Variants in HFE observed in about 807,000 individuals in gnomAD.
HFE encodes the protein homeostatic iron regulator, also known as hereditary hemochromatosis protein.
In HFE, 36 loss-of-function variants were observed where a neutral mutation model predicts 40.9. The ratio of observed to expected loss-of-function variants is 0.88; its 90% CI spans 0.67 to 1.16. The LOEUF (loss-of-function observed/expected upper bound fraction) is 1.16, where lower values mean the gene tolerates loss of function less well. Among genes scored for constraint, HFE ranks in the 50% most tolerant of loss-of-function variants. The pLI is 0.00. For synonymous variants in HFE, 157 were observed against 165.4 expected (o/e 0.95, Z 0.39); for missense variants, 376 against 432.0 (o/e 0.87, Z 1.15).
chr6:26,088,012 G>C (rs1762409694), intron 1 of HFE, among the ~76,000 whole-genome samples: 1 of 152,230 alleles, frequency 6.6e-6, no homozygotes, highest in Non-Finnish European at 1.5e-5. Flanking sequence ...GCGTTGGGCG[G>C]TGGGGGCGCG....
intron 1 of HFE, among the ~76,000 whole-genome samples, chr6:26,089,108 T>TGGGGG (rs60292295): frequency 3.5e-5 from 2 of 56,354 alleles, no homozygotes; most frequent in African/African-American, 1.6e-4. Context: ...TGTGTGTGTG[T>TGGGGG]GGGGGGGGGG....
Position 26,092,745 on chromosome 6 carries a change from G to T in HFE, c.677G>T (p.Arg226Leu). 6.2e-7 allele frequency: 1 copy of T among 1,614,158 alleles called. No homozygotes were observed. Among genetic ancestry groups the T allele is most frequent in the Non-Finnish European group, 8.5e-7 (1 of 1,180,024 alleles). The change falls in exon 4 of 6, where the codon CGG (arginine) becomes CTG (leucine). Residue 226 changes from arginine (R) to leucine (L), a missense_variant. Arg to Leu is a moderately radical substitution (Grantham distance 102). This residue lies in a region of HFE where 173 missense variants were observed against 186.9 expected (regional missense o/e 0.93). Transcript: ENST00000357618. ...VTSSVTTLRCRALNYYPQNIT... is the reference protein window; with the variant it reads ...VTSSVTTLRCLALNYYPQNIT... ...TCTTCAGTGACCACTCTACGGTGTC[G>T]GGCCTTGAACTACTACCCCCAGAAC...
At chr6:26,093,339 A>G (rs956894450) in intron 5 of HFE, 107 bp downstream of exon 5, 10 of 794,948 alleles carry the variant, frequency 1.3e-5, no homozygotes, top group Non-Finnish European at 2.2e-5. Flanking sequence ...TCTCATTTAT[A>G]TTCTTTGGGG....
At chr6:26,090,253 G>C (rs930251211) in intron 1 of HFE, among the ~76,000 whole-genome samples, 1 of 151,682 alleles carries the variant, frequency 6.6e-6, no homozygotes, top group African/African-American at 2.4e-5. Context: ...GACAAGCTTG[G>C]CCAACATGGT....
chr6:26,089,136 A>AGGGGGGGGGGGGC (rs1762500429), intron 1 of HFE, among the ~76,000 whole-genome samples: 1 of 115,626 alleles, frequency 8.6e-6, no homozygotes, highest in African/African-American at 3.4e-5. Flanking sequence ...TGGGGGTGGG[A>AGGGGGGGGGGGGC]AGGGGGACTA....
chr6:26,088,762 A>G (rs1272379455), intron 1 of HFE, among the ~76,000 whole-genome samples: 1 of 152,330 alleles, frequency 6.6e-6, no homozygotes, highest in East Asian at 1.9e-4. Flanking sequence ...GTTGAGCAGA[A>G]ATATTCATTG....
intron 1 of HFE, among the ~76,000 whole-genome samples, chr6:26,088,194 G>A (rs554086146): frequency 6.6e-6 from 1 of 152,282 alleles, no homozygotes; most frequent in East Asian, 1.9e-4. Flanking sequence ...AGTTTTGAAC[G>A]TTTGAACTGA....
chr6:26,091,472 C>T lies in HFE; in HGVS notation c.499C>T (p.Leu167=), dbSNP rs1208187839. The part of the protein sequence containing the change: ...AAEPRAWPTK[L]EWERHKIRAR... ...AGAACCCAGGGCCTGGCCCACCAAG[C>T]TGGAGTGGGAAAGGCACAAGATTCG... The change falls in exon 3 of 6, where the codon CTG becomes TTG. Residue 167 remains leucine (L), a synonymous_variant. Coordinates refer to ENST00000357618, the MANE Select transcript of HFE (RefSeq NM_000410.4). 3.1e-6 allele frequency: 5 copies of T among 1,614,154 alleles called. No individual in the cohort carries two copies. Among genetic ancestry groups the T allele is most frequent in the Non-Finnish European group, 8.5e-7 (1 of 1,180,026 alleles).
In HFE at chr6:26,091,459, C is replaced by G. The variant is rs148480830; in HGVS notation, c.486C>G (p.Ala162=). Residue 162 remains alanine, a synonymous_variant, in exon 3 of 6, where the codon GCC becomes GCG. Transcript: ENST00000357618. ...TLDWRAAEPR[A]WPTKLEWERH... is the part of the protein sequence containing the mutation. The stretch of plus-strand genomic sequence containing the variant: ...ATTGGAGAGCAGCAGAACCCAGGGC[C>G]TGGCCCACCAAGCTGGAGTGGGAAA... 4 of 1,614,188 alleles carry G rather than the reference C, an allele frequency of 2.5e-6. No homozygotes were observed. The highest frequency in any genetic ancestry group is 2.5e-6 in the Non-Finnish European group (3 of 1,180,026).
chr6:26,093,347 G>C, intron 5 of HFE, 115 bp downstream of exon 5: 1 of 757,994 alleles, frequency 1.3e-6, no homozygotes. Context: ...ATATTCTTTG[G>C]GGACACCAGC....
chr6:26,092,812 C>T lies in HFE; in HGVS notation c.744C>T (p.Ala248=). The T allele has an allele frequency of 6.2e-7, 1 of 1,614,194 alleles. No homozygotes were observed. The highest frequency in any genetic ancestry group is 1.6e-4 in the Middle Eastern group (1 of 6,062). The part of the protein sequence containing the change: ...KWLKDKQPMD[A]KEFEPKDVLP... ...TGAAGGATAAGCAGCCAATGGATGC[C>T]AAGGAGTTCGAACCTAAAGACGTAT... is the stretch of plus-strand genomic sequence containing the variant. The change falls in exon 4 of 6, where the codon GCC becomes GCT. Residue 248 remains alanine, a synonymous_variant. Coordinates refer to ENST00000357618, the MANE Select transcript of HFE (RefSeq NM_000410.4).
Position 26,096,714 on chromosome 6 carries a change from A to G in HFE, c.*2488A>G. On this transcript the variant is annotated 3_prime_UTR_variant, in exon 6 of 6. Coordinates refer to ENST00000357618, the MANE Select transcript of HFE (RefSeq NM_000410.4). The stretch of plus-strand genomic sequence containing the variant: ...GTAGAAAAGCTATAAAATGAATACA[A>G]TTAAAGCTGTTATTTAATTAGCCAG... The G allele has an allele frequency of 2.6e-6, 1 of 387,928 alleles. No individual in the cohort carries two copies. The highest frequency in any genetic ancestry group is 1.9e-5 in the South Asian group (1 of 51,594). The allele number at this position is 387,928 out of a possible 1,614,324, so 24.0% of individuals were successfully genotyped here. A position where few individuals can be genotyped will look rare whatever the true frequency, so the allele number is the denominator to read the frequency against.
chr6:26,091,450 AC>A lies in HFE; in HGVS notation c.480del (p.Arg161GlyfsTer50), dbSNP rs777018511. On this transcript the variant is annotated frameshift_variant, in exon 3 of 6. Transcript: ENST00000357618. LOFTEE classifies it high-confidence loss of function. ...ACACACTGGATTGGAGAGCAGCAGA[AC>A]CCAGGGCCTGGCCCACCAAGCTGGA... ...PDTLDWRAAE[P>X]RAWPTKLEWE... 22 of 1,614,016 alleles carry A rather than the reference AC, an allele frequency of 1.4e-5. No individual in the cohort carries two copies. The highest frequency in any genetic ancestry group is 6.6e-5 in the South Asian group (6 of 91,092).
Position 26,087,454 on chromosome 6 carries a change from C to T in HFE, c.14C>T (p.Ala5Val), listed in dbSNP as rs1404018362. The part of the protein sequence containing the change: MGPR[A>V]RPALLLLMLL... ...AGAGCTGGGGAAATGGGCCCGCGAG[C>T]CAGGCCGGCGCTTCTCCTCCTGATG... The change falls in exon 1 of 6, where the codon GCC (alanine) becomes GTC (valine). Residue 5 changes from alanine to valine, a missense_variant. Physicochemically the swap from Ala to Val is moderately conservative, Grantham distance 64. This residue lies in a region of HFE where 200 missense variants were observed against 228.5 expected (regional missense o/e 0.88). Transcript: ENST00000357618. 1.2e-6 allele frequency: 2 copies of T among 1,614,060 alleles called. No individual in the cohort carries two copies. The highest frequency in any genetic ancestry group is 1.1e-5 in the South Asian group (1 of 91,080).
Position 26,094,826 on chromosome 6 carries a change from G to A in HFE, c.*600G>A. The A allele has an allele frequency of 4.8e-6, 1 of 208,334 alleles. No individual in the cohort carries two copies. The highest frequency in any genetic ancestry group is 9.8e-6 in the Non-Finnish European group (1 of 102,232). 12.9% of individuals were successfully genotyped at this position (208,334 alleles called of 1,614,324 possible). Reference sequence around the variant, plus strand: ...CACTGCACGAATGGAAGAGGCACCTGTCCCAGAAAAAGCATCATGGCTATC... The same window carrying A: ...CACTGCACGAATGGAAGAGGCACCTATCCCAGAAAAAGCATCATGGCTATC... On this transcript the variant is annotated 3_prime_UTR_variant, in exon 6 of 6. Transcript: ENST00000357618.
At chr6:26,092,633 C>CT in intron 3 of HFE, 52 bp from the exon 4 acceptor site, 1 of 1,614,068 alleles carries the variant, frequency 6.2e-7, no homozygotes, top group African/African-American at 1.3e-5. Flanking sequence ...TCCAGTCTTC[C>CT]TGGCAAGGGT....
At chr6:26,090,227 G>C (rs1447209180) in intron 1 of HFE, among the ~76,000 whole-genome samples, 1 of 151,896 alleles carries the variant, frequency 6.6e-6, no homozygotes, top group Non-Finnish European at 1.5e-5. Flanking sequence ...TAGATCATTT[G>C]AGGTCAGGAG....
Position 26,094,686 on chromosome 6 carries a change from G to A in HFE, c.*460G>A, listed in dbSNP as rs1006736343. 8 of 535,622 alleles carry A rather than the reference G, an allele frequency of 1.5e-5. No homozygotes were observed. The highest frequency in any genetic ancestry group is 8.6e-5 in the South Asian group (4 of 46,756). 33.2% of individuals were successfully genotyped at this position (535,622 alleles called of 1,614,324 possible). A position where few individuals can be genotyped will look rare whatever the true frequency, so the allele number is the denominator to read the frequency against. On this transcript the variant is annotated 3_prime_UTR_variant, in exon 6 of 6. Transcript: ENST00000357618. The stretch of plus-strand genomic sequence containing the variant: ...ATGTATCTATGCATTTTCTGGACCC[G>A]TTCAACTTTTCCTTTGAATCCTCTC...
At chr6:26,087,703 G>A (rs1320005865) in intron 1 of HFE, among the ~76,000 whole-genome samples, 187 bp downstream of exon 1, 1 of 152,170 alleles carries the variant, frequency 6.6e-6, no homozygotes, top group Admixed American at 6.5e-5. Flanking sequence ...TGCAGATAGG[G>A]GTCCCTCGCC....
Sources: allele counts gnomAD v4.1 joint callset (sites outside exome capture counted in the v4.1 genomes callset), GRCh38; gene constraint gnomAD v4.1.1; regional missense constraint gnomAD v4.1.1; transcripts MANE v1.5; gene names NCBI Gene and HGNC (gene_info 2026-07-23, HGNC 2026-07-21).